Variants in MTM1 observed in about 807,000 individuals in gnomAD.
The protein encoded by MTM1 is myotubularin 1.
In MTM1, 9 loss-of-function variants were observed where a neutral mutation model predicts 52.1. The observed-to-expected ratio is 0.17, with a 90% CI of 0.10 to 0.30. The LOEUF (loss-of-function observed/expected upper bound fraction) is 0.30. Among genes scored for constraint, MTM1 ranks in the 10% least tolerant of loss-of-function variants. The probability of loss-of-function intolerance (pLI) is 1.00; values close to 1 mark genes in which losing one functional copy is unlikely to be tolerated. For missense variants in MTM1, 277 were observed against 470.7 expected (o/e 0.59, Z 3.81); for synonymous variants, 136 against 163.8 (o/e 0.83, Z 1.29).
rs16996692 is a variant in MTM1 at position 150,654,481 on chromosome X, T to C, written c.1054-3340T>C. Reference sequence around the variant, plus strand: ...TGAAGAAATAAACGGCTCTAGTCATTTTAGGAGTAATGGATTTTGTACAAC... The same window carrying C: ...TGAAGAAATAAACGGCTCTAGTCATCTTAGGAGTAATGGATTTTGTACAAC... On this transcript the variant is annotated intron_variant, in intron 10 of 14. Transcript: ENST00000370396. 3.6e-3 allele frequency among the ~76,000 whole-genome samples: 402 copies of C among 111,999 alleles called. 3 individuals carry two copies. Among genetic ancestry groups the C allele is most frequent in the African/African-American group, 0.012 (380 of 30,835 alleles).
At chrX:150,652,654 T>TACACACACACAC (rs1362808073) in intron 10 of MTM1, among the ~76,000 whole-genome samples, 3 of 44,694 alleles carry the variant, frequency 6.7e-5, no homozygotes, top group African/African-American at 2.7e-4. Flanking sequence ...TGTGTATATA[T>TACACACACACAC]ATATACACAC....
At chrX:150,626,599 C>T (rs782264503) in intron 6 of MTM1, among the ~76,000 whole-genome samples, 6 of 111,865 alleles carry the variant, frequency 5.4e-5, no homozygotes, top group East Asian at 5.6e-4. Context: ...TGAGCCACTG[C>T]GTCCAGCCAA....
chrX:150,627,145 C>G (rs1458838580), intron 6 of MTM1, among the ~76,000 whole-genome samples: 1 of 111,678 alleles, frequency 9.0e-6, no homozygotes, highest in Non-Finnish European at 1.9e-5. Flanking sequence ...AATCAGTCGT[C>G]TAGCCCGCTC....
At chrX:150,629,991 C>T (rs2039638657) in intron 6 of MTM1, among the ~76,000 whole-genome samples, 1 of 112,429 alleles carries the variant, frequency 8.9e-6, no homozygotes, top group Non-Finnish European at 1.9e-5. Context: ...GCTTCTCCAC[C>T]CTATGATCTT....
intron 6 of MTM1, among the ~76,000 whole-genome samples, chrX:150,631,667 C>CAAAAAAAAAAAAAAAAAAAAAAAAAA (rs34042424): frequency 2.8e-5 from 1 of 35,455 alleles, no homozygotes; most frequent in Non-Finnish European, 4.4e-5. Context: ...ACTCCATCTC[C>CAAAAAAAAAAAAAAAAAAAAAAAAAA]AAAAAAAAAA....
upstream of MTM1, among the ~76,000 whole-genome samples, chrX:150,564,282 A>G (rs1557411148): frequency 8.9e-6 from 1 of 112,204 alleles, no homozygotes; most frequent in Non-Finnish European, 1.9e-5. Context: ...CTTCCTTTTT[A>G]TTGCTGAGTA....
chrX:150,626,187 T>C (rs1557413404), intron 6 of MTM1, among the ~76,000 whole-genome samples: 1 of 112,868 alleles, frequency 8.9e-6, no homozygotes. Flanking sequence ...CAGTTGTGCT[T>C]ACTTGTAAAA....
At chrX:150,650,041 A>G (rs2039994093) in intron 10 of MTM1, 140 bp downstream of exon 10, 2 of 482,982 alleles carry the variant, frequency 4.1e-6, no homozygotes, top group Non-Finnish European at 6.7e-6. Context: ...TAACAGTTTT[A>G]TGTTGCTTTA....
chrX:150,668,904 TTTTC>T (rs1371536799), intron 14 of MTM1, among the ~76,000 whole-genome samples: 10 of 109,388 alleles, frequency 9.1e-5, no homozygotes, highest in South Asian at 3.9e-4. Context: ...TTTTTTTTTC[TTTTC>T]TTTCTTCTAA....
At chrX:150,609,890 C>A (rs782365890) in intron 4 of MTM1, among the ~76,000 whole-genome samples, 100 of 111,861 alleles carry the variant, frequency 8.9e-4, no homozygotes, top group African/African-American at 3.2e-3. Flanking sequence ...CCAGATGAAT[C>A]TTCATAAAGC....
Position 150,657,625 on chromosome X carries a change from AAAAAG to A in MTM1, c.1054-193_1054-189del, listed in dbSNP as rs1480693398. 2.8e-3 allele frequency among the ~76,000 whole-genome samples: 311 copies of A among 111,752 alleles called. 2 individuals are homozygous for A. The highest frequency in any genetic ancestry group is 8.6e-3 in the African/African-American group (263 of 30,725). On this transcript the variant is annotated intron_variant, in intron 10 of 14. Transcript: ENST00000370396. ...TAGAACTTAAAGTATAATTTAAAAA[AAAAAG>A]AAGAAAAGAAAACAAATGCAGCGTC...
intron 8 of MTM1, among the ~76,000 whole-genome samples, chrX:150,645,359 C>A (rs782159397): frequency 2.3e-4 from 26 of 112,552 alleles, no homozygotes; most frequent in African/African-American, 8.0e-4. Flanking sequence ...GATAACAAAT[C>A]CAGTGCAAGC....
Position 150,642,142 on chromosome X carries a change from A to T in MTM1, c.678+724A>T, listed in dbSNP as rs1013339309. Among the ~76,000 whole-genome samples the T allele has an allele frequency of 3.6e-5, 4 of 111,370 alleles. No homozygotes were observed. In the East Asian group the frequency reaches 1.1e-3, roughly 31 times the overall value. ...AAAAACAAAGGTTGAAGAAATTAAGACTTAATGTCACCTTGCCTTTTTCAA... is the reference window on the plus strand; with the variant it reads ...AAAAACAAAGGTTGAAGAAATTAAGTCTTAATGTCACCTTGCCTTTTTCAA... On this transcript the variant is annotated intron_variant, in intron 8 of 14. Coordinates refer to ENST00000370396, the MANE Select transcript of MTM1 (RefSeq NM_000252.3).
intron 4 of MTM1, among the ~76,000 whole-genome samples, chrX:150,611,681 G>T (rs1040971155): frequency 4.5e-5 from 5 of 111,017 alleles, no homozygotes; most frequent in Admixed American, 9.6e-5. Context: ...GTGTGCTTTT[G>T]TGCACAGTTC....
chrX:150,597,639 T>C (rs1329493181), intron 3 of MTM1, among the ~76,000 whole-genome samples: 9 of 111,761 alleles, frequency 8.1e-5, no homozygotes, highest in African/African-American at 2.6e-4. Context: ...AGGACATCCC[T>C]GAAAGATGAG....
chrX:150,626,173 A>G (rs2039565575), intron 6 of MTM1, among the ~76,000 whole-genome samples: 1 of 112,083 alleles, frequency 8.9e-6, no homozygotes, highest in South Asian at 3.6e-4. Context: ...CTCTTGCTCT[A>G]CTCCAGTTGT....
At chrX:150,622,775 G>A (rs782057558) in intron 6 of MTM1, among the ~76,000 whole-genome samples, 9 of 111,242 alleles carry the variant, frequency 8.1e-5, no homozygotes, top group Non-Finnish European at 1.7e-4. Context: ...CACAGAGTAG[G>A]GAAGTCAGAA....
intron 6 of MTM1, among the ~76,000 whole-genome samples, chrX:150,624,902 G>A (rs1416769962): frequency 2.7e-5 from 3 of 112,048 alleles, no homozygotes; most frequent in African/African-American, 9.8e-5. Context: ...ATAGCAGTAG[G>A]CGCACATGGA....
chrX:150,655,804 A>G (rs959294391), intron 10 of MTM1, among the ~76,000 whole-genome samples: 13 of 112,093 alleles, frequency 1.2e-4, no homozygotes, highest in African/African-American at 4.2e-4. Context: ...TTCTACAACT[A>G]CATTATGGTG....
Sources: allele counts gnomAD v4.1 joint callset (sites outside exome capture counted in the v4.1 genomes callset), GRCh38; gene constraint gnomAD v4.1.1; transcripts MANE v1.5; gene names NCBI Gene and HGNC (gene_info 2026-07-23, HGNC 2026-07-21).